SPTB: variants seen among roughly 807,000 people sequenced by gnomAD.
The protein encoded by SPTB is spectrin beta, erythrocytic, also known as spectrin beta chain, erythrocytic.
SPTB carries 45 observed loss-of-function variants against 256.2 expected under a neutral mutation model. That is an observed-to-expected ratio of 0.18 (90% CI 0.14 to 0.23). The LOEUF (loss-of-function observed/expected upper bound fraction) is 0.23. Among genes scored for constraint, SPTB ranks in the 10% least tolerant of loss-of-function variants. The probability of loss-of-function intolerance (pLI) is 1.00; values close to 1 mark genes in which losing one functional copy is unlikely to be tolerated. For missense variants in SPTB, 2,715 were observed against 3,040.4 expected (o/e 0.89, Z 2.52); for synonymous variants, 1,231 against 1,243.1 (o/e 0.99, Z 0.21).
At chr14:64,805,932 G>A (rs2082974602) in intron 2 of SPTB, among the ~76,000 whole-genome samples, 1 of 152,142 alleles carries the variant, frequency 6.6e-6, no homozygotes, top group African/African-American at 2.4e-5. Flanking sequence ...CTCAGCCCTG[G>A]GAAGGTGACA....
chr14:64,770,744 C>G (rs1370270086), intron 27 of SPTB, 141 bp downstream of exon 27: 2 of 1,359,328 alleles, frequency 1.5e-6, no homozygotes, highest in Non-Finnish European at 2.1e-6. Flanking sequence ...AGCCTCAGGC[C>G]TCAAGTGTCC....
chr14:64,843,543 C>T (rs562803061), intron 1 of SPTB, among the ~76,000 whole-genome samples: 3 of 152,194 alleles, frequency 2.0e-5, no homozygotes, highest in Non-Finnish European at 2.9e-5. Context: ...ACAGCCCCAT[C>T]GCAGCTCCCT....
At chr14:64,801,924 GAA>G in intron 5 of SPTB, 90 bp from the exon 6 acceptor site, 1 of 1,287,846 alleles carries the variant, frequency 7.8e-7, no homozygotes, top group Non-Finnish European at 1.1e-6. Context: ...TACCAGGAGA[GAA>G]ATGGAACTGT....
chr14:64,832,453 G>A (rs1026213094), intron 1 of SPTB, among the ~76,000 whole-genome samples: 2 of 152,058 alleles, frequency 1.3e-5, no homozygotes, highest in South Asian at 4.1e-4. Context: ...CTTAAATAGT[G>A]ATGCTCCCAA....
intron 1 of SPTB, among the ~76,000 whole-genome samples, chr14:64,839,023 C>G (rs753356288): frequency 5.5e-4 from 83 of 151,892 alleles, no homozygotes; most frequent in Non-Finnish European, 1.0e-3. Flanking sequence ...ATCCTAGCTA[C>G]TGGGGAGGCT....
At chr14:64,787,193 G>A (rs774492737) in intron 15 of SPTB, 33 bp from the exon 16 acceptor site, 2 of 1,600,034 alleles carry the variant, frequency 1.2e-6, no homozygotes, top group South Asian at 1.1e-5. Flanking sequence ...GGAGGAGAGA[G>A]ACACCTTCTC....
In SPTB at chr14:64,824,565, C is replaced by T. The variant is rs2083347815; in HGVS notation, c.-51-1420G>A. Among the ~76,000 whole-genome samples the T allele has an allele frequency of 6.6e-6, 1 of 152,176 alleles. No homozygotes were observed. Among genetic ancestry groups the T allele is most frequent in the African/African-American group, 2.4e-5 (1 of 41,442 alleles). Reference sequence around the variant, plus strand: ...AAGAGAATAGGGGACCCAGAGCCTTCACAACCAAGAGAGCAAAGCGGGAGG... The same window carrying T: ...AAGAGAATAGGGGACCCAGAGCCTTTACAACCAAGAGAGCAAAGCGGGAGG... On this transcript the variant is annotated intron_variant, in intron 1 of 35. Transcript: ENST00000644917. This position sits in a 1 kb window ranked among gnomAD's most constrained non-coding sequence, Gnocchi z 5.7.
At chr14:64,752,194 C>G (rs748298641) in intron 33 of SPTB, 4 of 1,346,552 alleles carry the variant, frequency 3.0e-6, no homozygotes, top group Non-Finnish European at 2.0e-6. Context: ...TGGGCTAGCC[C>G]GAGCCGCTTC....
intron 20 of SPTB, 151 bp downstream of exon 20, chr14:64,782,139 A>C (rs2082482588): frequency 8.7e-7 from 1 of 1,148,716 alleles, no homozygotes; most frequent in Non-Finnish European, 1.3e-6. Flanking sequence ...GTGATGTAAT[A>C]ATATGTGCAA....
rs544630976 is a variant in SPTB, at chr14:64,785,702, C to A, written c.3764+47G>T. The stretch of plus-strand genomic sequence containing the variant: ...CTCACCAAGCTTGGGGTCCTCACTA[C>A]CCCCGTGTGGCTCTGGGGGCCTCGT... On this transcript the variant is annotated intron_variant, in intron 17 of 35. Transcript: ENST00000644917. The surrounding 1 kb of genome is among the most constrained non-coding windows in gnomAD (Gnocchi z 4.4). The A allele has an allele frequency of 5.1e-5, 83 of 1,613,596 alleles. No homozygotes were observed. Among genetic ancestry groups the A allele is most frequent in the Middle Eastern group, 1.6e-4 (1 of 6,062 alleles).
At chr14:64,801,942 C>T in intron 5 of SPTB, 108 bp from the exon 6 acceptor site, 1 of 1,176,760 alleles carries the variant, frequency 8.5e-7, no homozygotes, top group South Asian at 1.3e-5. Flanking sequence ...ACTGTCCTTT[C>T]TTGAGCCAGG....
At chr14:64,868,815 G>A (rs72726254) in intron 1 of SPTB, among the ~76,000 whole-genome samples, 4,547 of 152,224 alleles carry the variant, frequency 0.03, 107 homozygotes, top group South Asian at 0.12. Flanking sequence ...TGCCTTATGA[G>A]AGTGGGTATA....
chr14:64,798,838 G>T (rs2082825098), intron 9 of SPTB, among the ~76,000 whole-genome samples: 1 of 152,214 alleles, frequency 6.6e-6, no homozygotes, highest in Non-Finnish European at 1.5e-5. Flanking sequence ...GTGGGAGATG[G>T]GGGGAAGAGC....
intron 18 of SPTB, 72 bp from the exon 19 acceptor site, chr14:64,784,465 C>T: frequency 6.3e-7 from 1 of 1,582,162 alleles, no homozygotes. Context: ...GCTGCCCATC[C>T]CTGGCTGCAG....
chr14:64,775,207 T>G lies in SPTB; in HGVS notation c.4760A>C (p.Gln1587Pro). 6.2e-7 allele frequency: 1 copy of G among 1,613,890 alleles called. No individual in the cohort carries two copies. The highest frequency in any genetic ancestry group is 8.5e-7 in the Non-Finnish European group (1 of 1,180,028). Residue 1587 changes from glutamine (Q) to proline (P), a missense_variant, in exon 23 of 36, where the codon CAG (glutamine) becomes CCG (proline). Physicochemically the swap from Gln to Pro is moderately conservative, Grantham distance 76 (BLOSUM62 -1). Around this residue, in one of 4 missense-constraint regions of SPTB, gnomAD observed 2,239 missense variants for 2,384.4 expected, o/e 0.94. Coordinates refer to ENST00000644917, the MANE Select transcript of SPTB (RefSeq NM_001355436.2). The surrounding 1 kb of genome is among the most constrained non-coding windows in gnomAD (Gnocchi z 5.0). Reference sequence around the variant, plus strand: ...CTCGTCTGCATCCAGGTAGTACTGCTGTGCCTCGTTGGCGTCCCTCAGTCG... The same window carrying G: ...CTCGTCTGCATCCAGGTAGTACTGCGGTGCCTCGTTGGCGTCCCTCAGTCG... ...LQRLRDANEAQQYYLDADEAE... is the reference protein window; with the variant it reads ...LQRLRDANEAPQYYLDADEAE...
At chr14:64,751,081 C>A (rs1566731324) in intron 33 of SPTB, among the ~76,000 whole-genome samples, 1 of 144,160 alleles carries the variant, frequency 6.9e-6, no homozygotes, top group South Asian at 2.1e-4. Flanking sequence ...TAGTATATAA[C>A]ATTTATATAT....
chr14:64,811,570 T>C (rs1459656600), intron 2 of SPTB, among the ~76,000 whole-genome samples: 1 of 152,226 alleles, frequency 6.6e-6, no homozygotes, highest in African/African-American at 2.4e-5. Flanking sequence ...AGATACATAC[T>C]AGAGTAATTA....
At chr14:64,770,753 C>G in intron 27 of SPTB, 132 bp downstream of exon 27, 3 of 1,418,558 alleles carry the variant, frequency 2.1e-6, no homozygotes, top group Middle Eastern at 2.4e-4. Flanking sequence ...CCTCAAGTGT[C>G]CCCCAGGGAT....
intron 4 of SPTB, among the ~76,000 whole-genome samples, chr14:64,803,289 A>C (rs2082922698): frequency 6.6e-6 from 1 of 152,176 alleles, no homozygotes; most frequent in Admixed American, 6.5e-5. Flanking sequence ...TATTTCAAAA[A>C]CCAAGAAGTT....
Sources: gnomAD v4.1 joint callset for allele counts (sites outside exome capture counted in the v4.1 genomes callset) on GRCh38, gnomAD v4.1.1 for gene constraint, gnomAD v4.1.1 regional missense constraint, Gnocchi (gnomAD v3.1) non-coding constraint, MANE v1.5 for transcripts, NCBI Gene and HGNC (gene_info 2026-07-23, HGNC 2026-07-21) for gene names.